The following MICU2 variants were observed in gnomAD, a reference collection of about 807,000 sequenced individuals.
MICU2 encodes the protein mitochondrial calcium uptake 2, also known as calcium uptake protein 2, mitochondrial.
Under a neutral mutation model 60.4 loss-of-function variants are expected in MICU2, and 64 were observed. The ratio of observed to expected loss-of-function variants is 1.06; its 90% confidence interval spans 0.87 to 1.31. The LOEUF is 1.31. Among genes scored for constraint, MICU2 ranks in the 50% most tolerant of loss-of-function variants. MICU2 has a pLI of 0.00. For synonymous variants in MICU2, 201 were observed against 175.0 expected (o/e 1.15, Z -1.17); for missense variants, 569 against 531.0 (o/e 1.07, Z -0.70).
At chr13:21,512,902 A>G (rs1197982501) in intron 7 of MICU2, among the ~76,000 whole-genome samples, 1 of 152,152 alleles carries the variant, frequency 6.6e-6, no homozygotes, top group African/African-American at 2.4e-5. Context: ...ATGTGGTGTG[A>G]GACAGGAGTC....
intron 2 of MICU2, among the ~76,000 whole-genome samples, chr13:21,547,888 T>C (rs369865197): frequency 1.3e-5 from 2 of 152,120 alleles, no homozygotes; most frequent in Non-Finnish European, 2.9e-5. Flanking sequence ...AGGAATATTA[T>C]GGGTCTCGTG....
At chr13:21,576,144 A>T (rs1350090482) in intron 1 of MICU2, among the ~76,000 whole-genome samples, 1 of 152,208 alleles carries the variant, frequency 6.6e-6, no homozygotes, top group Non-Finnish European at 1.5e-5. Flanking sequence ...CTCAACCATG[A>T]CATTTTGATT....
At chr13:21,497,319 C>T (rs111602937) in intron 9 of MICU2, among the ~76,000 whole-genome samples, 5,640 of 152,002 alleles carry the variant, frequency 0.037, 348 homozygotes, top group African/African-American at 0.13. Context: ...GAGCCAAGAT[C>T]GCGCCACTGC....
chr13:21,532,183 A>G (rs1426757500), intron 4 of MICU2, among the ~76,000 whole-genome samples: 2 of 152,218 alleles, frequency 1.3e-5, no homozygotes, highest in Admixed American at 1.3e-4. Context: ...TTCTATCTGA[A>G]GAGTCAAAAC....
intron 1 of MICU2, among the ~76,000 whole-genome samples, chr13:21,602,330 GGCT>G (rs1265050440): frequency 6.6e-6 from 1 of 152,050 alleles, no homozygotes; most frequent in East Asian, 1.9e-4. Flanking sequence ...AGACCATCCT[GGCT>G]AATACGGTGA....
intron 2 of MICU2, among the ~76,000 whole-genome samples, chr13:21,552,205 T>G (rs996794516): frequency 6.6e-6 from 1 of 152,230 alleles, no homozygotes; most frequent in Admixed American, 6.5e-5. Flanking sequence ...CATTTTTTCA[T>G]GTGTTTTTTG....
intron 9 of MICU2, among the ~76,000 whole-genome samples, chr13:21,501,701 T>C (rs188569192): frequency 6.6e-6 from 1 of 152,236 alleles, no homozygotes; most frequent in Non-Finnish European, 1.5e-5. Context: ...GGTGGGGTTA[T>C]GTGATTAGTC....
At chr13:21,494,059 G>A (rs1204714681) in intron 11 of MICU2, among the ~76,000 whole-genome samples, 1 of 152,100 alleles carries the variant, frequency 6.6e-6, no homozygotes, top group Non-Finnish European at 1.5e-5. Context: ...CTGAGAAAGG[G>A]CAAGGAGACT....
In MICU2 at chr13:21,584,962, C is replaced by A. The variant is rs375295790; in HGVS notation, c.211-18018G>T. ...AACAGTAATATTTACTTGGATTCCA[C>A]TAAACAATATAAATGCAAAAGAAAA... On this transcript the variant is annotated intron_variant, in intron 1 of 11. Coordinates refer to ENST00000382374, the MANE Select transcript of MICU2 (RefSeq NM_152726.3). Among the ~76,000 whole-genome samples, 322 of 152,262 alleles carry A rather than the reference C, an allele frequency of 2.1e-3. 1 individual carries two copies. Among genetic ancestry groups the A allele is most frequent in the African/African-American group, 7.5e-3 (312 of 41,554 alleles).
chr13:21,573,948 T>C (rs925650260), intron 1 of MICU2, among the ~76,000 whole-genome samples: 1 of 151,838 alleles, frequency 6.6e-6, no homozygotes, highest in African/African-American at 2.4e-5. Flanking sequence ...TCAGAAGGAG[T>C]GGAACAAAAA....
chr13:21,598,184 A>G (rs1308598232), intron 1 of MICU2, among the ~76,000 whole-genome samples: 2 of 152,170 alleles, frequency 1.3e-5, no homozygotes, highest in Non-Finnish European at 2.9e-5. Context: ...ATTGAAAAGC[A>G]AACAACAACA....
At chr13:21,500,956 CT>C (rs1429966347) in intron 9 of MICU2, among the ~76,000 whole-genome samples, 3 of 152,020 alleles carry the variant, frequency 2.0e-5, no homozygotes, top group African/African-American at 7.2e-5. Context: ...TCCATGTTTT[CT>C]TCTACACTTA....
chr13:21,538,632 C>CTATATACA (rs1323606681), intron 4 of MICU2, among the ~76,000 whole-genome samples: 1 of 149,276 alleles, frequency 6.7e-6, no homozygotes, highest in Admixed American at 6.7e-5. Flanking sequence ...AATATAACAA[C>CTATATACA]TATATACATA....
chr13:21,523,009 G>C (rs572572032), intron 4 of MICU2, among the ~76,000 whole-genome samples: 2 of 152,276 alleles, frequency 1.3e-5, no homozygotes, highest in Admixed American at 1.3e-4. Context: ...TCCGCAGTGT[G>C]GGTGGGCATT....
At chr13:21,552,620 A>C (rs1477257294) in intron 2 of MICU2, among the ~76,000 whole-genome samples, 1 of 152,210 alleles carries the variant, frequency 6.6e-6, no homozygotes, top group Non-Finnish European at 1.5e-5. Context: ...GGTGTAAGGA[A>C]GGGATCCAGT....
chr13:21,590,000 T>A (rs1265434308), intron 1 of MICU2, among the ~76,000 whole-genome samples: 1 of 152,214 alleles, frequency 6.6e-6, no homozygotes, highest in African/African-American at 2.4e-5. Context: ...AAGAAAATTT[T>A]ATATTTGAGT....
rs1319594500 is a variant in MICU2, at chr13:21,574,950, G to A, written c.211-8006C>T. On this transcript the variant is annotated intron_variant, in intron 1 of 11. Coordinates refer to ENST00000382374, the MANE Select transcript of MICU2 (RefSeq NM_152726.3). ...TAAATTAAAAATATTCACTGCATAA[G>A]CTATGCCTCACAATACATTCTACAA... Among the ~76,000 whole-genome samples the A allele has an allele frequency of 2.6e-5, 4 of 152,186 alleles. No individual in the cohort carries two copies. In the East Asian group the frequency reaches 7.7e-4, roughly 29 times the overall value.
intron 1 of MICU2, among the ~76,000 whole-genome samples, chr13:21,599,029 G>A (rs898654704): frequency 6.6e-6 from 1 of 152,096 alleles, no homozygotes; most frequent in Non-Finnish European, 1.5e-5. Flanking sequence ...ATTCTGATAG[G>A]AGCGCAAAAC....
At chr13:21,505,793 C>T (rs1248119520) in intron 8 of MICU2, among the ~76,000 whole-genome samples, 1 of 152,138 alleles carries the variant, frequency 6.6e-6, no homozygotes, top group Non-Finnish European at 1.5e-5. Flanking sequence ...AAACCTGAAT[C>T]TCGCCTCTTC....
Sources: allele counts gnomAD v4.1 joint callset (sites outside exome capture counted in the v4.1 genomes callset), GRCh38; gene constraint gnomAD v4.1.1; transcripts MANE v1.5; gene names NCBI Gene and HGNC (gene_info 2026-07-23, HGNC 2026-07-21).